Variants in BCCIP observed in about 807,000 individuals in gnomAD.
The protein encoded by BCCIP is BRCA2 and CDKN1A-interacting protein.
Under a neutral mutation model 32.8 loss-of-function variants are expected in BCCIP, and 23 were observed. That is an observed-to-expected ratio of 0.70 (90% CI 0.51 to 0.99). The LOEUF is 0.99. Ranked by LOEUF, BCCIP falls within the 50% of genes least tolerant of loss-of-function variation. BCCIP has a pLI of 0.00. For synonymous variants in BCCIP, 144 were observed against 137.6 expected (o/e 1.05, Z -0.33); for missense variants, 378 against 379.8 (o/e 1.00, Z 0.04).
At position 125,836,125 on chromosome 10, in the gene BCCIP, T is replaced by C. The variant is rs749514482; in HGVS notation, c.796T>C (p.Tyr266His). 14 of 1,613,024 alleles carry C rather than the reference T, an allele frequency of 8.7e-6. No individual in the cohort carries two copies. Among genetic ancestry groups the C allele is most frequent in the Non-Finnish European group, 1.0e-5 (12 of 1,179,322 alleles). ...TTAGAAGGCAATTCTCAAGTTCAAC[T>C]ACTCAGTGCAGGAGGAGAGCGACAC... ...FYEKAILKFN[Y>H]SVQEESDTCL... is the part of the protein sequence containing the mutation. The change falls in exon 7 of 7, where the codon TAC becomes CAC. Residue 266 changes from tyrosine (Y) to histidine (H), a missense_variant. Coordinates refer to ENST00000278100, the MANE Select transcript of BCCIP (RefSeq NM_078468.3).
At chr10:125,830,015 C>T (rs1464447936) in intron 3 of BCCIP, among the ~76,000 whole-genome samples, 1 of 151,812 alleles carries the variant, frequency 6.6e-6, no homozygotes, top group Non-Finnish European at 1.5e-5. Flanking sequence ...AGGGGGTTCT[C>T]TTTTTTCCCC....
chr10:125,842,902 CATTT>C (rs1854920100), downstream of BCCIP: 3 of 463,962 alleles, frequency 6.5e-6, no homozygotes, highest in Non-Finnish European at 8.5e-6. Context: ...TTTAAAAATC[CATTT>C]ATTTAAAGAA....
intron 7 of BCCIP, among the ~76,000 whole-genome samples, chr10:125,849,271 A>G (rs913387180): frequency 6.6e-6 from 1 of 152,244 alleles, no homozygotes; most frequent in Non-Finnish European, 1.5e-5. Context: ...ACGCAAAAAC[A>G]TATCAACTTA....
chr10:125,841,055 AC>A, downstream of BCCIP: 1 of 1,554,938 alleles, frequency 6.4e-7, no homozygotes, highest in Non-Finnish European at 8.7e-7. Flanking sequence ...TCTTAGCCTA[AC>A]ATGCAGAGGG....
At chr10:125,839,109 G>C (rs753787098), downstream of BCCIP, 11 of 1,614,116 alleles carry the variant, frequency 6.8e-6, no homozygotes, top group Admixed American at 1.8e-4. Flanking sequence ...TAATTTCTAA[G>C]AGTTCAGCTC....
intron 3 of BCCIP, among the ~76,000 whole-genome samples, chr10:125,828,889 T>C (rs1854464356): frequency 1.3e-5 from 2 of 152,194 alleles, no homozygotes; most frequent in Admixed American, 1.3e-4. Flanking sequence ...AAGTTAGCCC[T>C]AGCTGTCTGT....
chr10:125,835,311 T>C (rs1290792679), intron 6 of BCCIP, among the ~76,000 whole-genome samples: 1 of 152,042 alleles, frequency 6.6e-6, no homozygotes, highest in Admixed American at 6.6e-5. Context: ...CCGGGTGCGG[T>C]GGCTCATGCC....
chr10:125,834,944 A>G (rs1266065160), intron 6 of BCCIP, among the ~76,000 whole-genome samples: 2 of 151,458 alleles, frequency 1.3e-5, no homozygotes, highest in Non-Finnish European at 2.9e-5. Context: ...CATCCTGGCT[A>G]ACATGGTGAA....
At chr10:125,836,690 C>G, downstream of BCCIP, 2 of 1,613,908 alleles carry the variant, frequency 1.2e-6, no homozygotes, top group Non-Finnish European at 1.7e-6. Context: ...TGGGGAGTCA[C>G]TGGAGAGTGC....
intron 7 of BCCIP, chr10:125,852,634 G>T: frequency 6.2e-7 from 1 of 1,607,708 alleles, no homozygotes; most frequent in East Asian, 2.2e-5. Flanking sequence ...TTATTCTCGG[G>T]TTGTACACCT....
Position 125,833,861 on chromosome 10 carries a change from GA to G in BCCIP, c.695del (p.Asn232ThrfsTer15), listed in dbSNP as rs1311638909. The G allele has an allele frequency of 1.2e-6, 2 of 1,614,006 alleles. No homozygotes were observed. The highest frequency in any genetic ancestry group is 1.7e-6 in the Non-Finnish European group (2 of 1,180,030). Reference sequence around the variant, plus strand: ...ATTAGTAAGACATTTGTGGAAGCAGGAAAAAACAATTCCAAAAAGAAACCTA... The same window carrying G: ...ATTAGTAAGACATTTGTGGAAGCAGGAAAAACAATTCCAAAAAGAAACCTA... ...LLISKTFVEA[G>X]KNNSKKKPSN... On this transcript the variant is annotated frameshift_variant, in exon 6 of 7. Transcript: ENST00000278100. LOFTEE classifies it high-confidence loss of function.
downstream of BCCIP, among the ~76,000 whole-genome samples, chr10:125,837,586 C>G (rs1023226156): frequency 2.0e-5 from 3 of 152,060 alleles, no homozygotes; most frequent in African/African-American, 7.2e-5. Flanking sequence ...GCCACCACAC[C>G]CGGCTAATTT....
At chr10:125,832,378 A>T (rs1854542332) in intron 5 of BCCIP, among the ~76,000 whole-genome samples, 1 of 152,058 alleles carries the variant, frequency 6.6e-6, no homozygotes, top group African/African-American at 2.4e-5. Context: ...CAGAGGTCAT[A>T]GCCCTTGCGT....
At chr10:125,839,401 G>A (rs750718350), downstream of BCCIP, among the ~76,000 whole-genome samples, 13 of 152,348 alleles carry the variant, frequency 8.5e-5, no homozygotes, top group South Asian at 2.1e-4. Flanking sequence ...CGGTGCCACC[G>A]ACAGCACCCA....
At chr10:125,829,311 T>C (rs1854472894) in intron 3 of BCCIP, among the ~76,000 whole-genome samples, 1 of 152,246 alleles carries the variant, frequency 6.6e-6, no homozygotes. Flanking sequence ...AGCTGACATG[T>C]GCTACATATG....
At chr10:125,853,305 G>A in exon 8 of BCCIP, 1 of 946,908 alleles carries the variant, frequency 1.1e-6, no homozygotes, top group Non-Finnish European at 1.5e-6. Context: ...TCGGCACCTA[G>A]TAATGGTAAA....
downstream of BCCIP, chr10:125,836,768 T>C (rs752862867): frequency 2.5e-6 from 4 of 1,614,174 alleles, no homozygotes; most frequent in South Asian, 3.3e-5. Context: ...ACACAGGGGA[T>C]AGGTGATCCA....
rs1445256685 is a variant in BCCIP, at chr10:125,823,574, A to G, written c.17A>G (p.Lys6Arg). The change falls in exon 1 of 7, where the codon AAG becomes AGG. Residue 6 changes from lysine to arginine, a missense_variant. By Grantham distance (26) the Lys-to-Arg change is conservative. Transcript: ENST00000278100. MASRS[K>R]RRAVESGVPQ... is the part of the protein sequence containing the mutation. The stretch of plus-strand genomic sequence containing the variant: ...AGCGGCAACATGGCGTCCAGGTCTA[A>G]GCGGCGTGCCGTGGAAAGTGGGGTT... 1 of 1,613,916 alleles carries G rather than the reference A, an allele frequency of 6.2e-7. No individual in the cohort carries two copies. Among genetic ancestry groups the G allele is most frequent in the Admixed American group, 1.7e-5 (1 of 60,016 alleles).
downstream of BCCIP, chr10:125,840,796 T>C (rs371515062): frequency 3.4e-4 from 510 of 1,521,076 alleles, 1 homozygote; most frequent in African/African-American, 6.6e-3. Context: ...CTCAGACTTA[T>C]CTAGGGAAAG....
Sources: allele counts gnomAD v4.1 joint callset (sites outside exome capture counted in the v4.1 genomes callset), GRCh38; gene constraint gnomAD v4.1.1; transcripts MANE v1.5; gene names NCBI Gene and HGNC (gene_info 2026-07-23, HGNC 2026-07-21).